ARHGEF3: variants seen among roughly 807,000 people sequenced by gnomAD.
The protein encoded by ARHGEF3 is 59.8 kDA protein.
Under a neutral mutation model 63.2 loss-of-function variants are expected in ARHGEF3, and 28 were observed. The ratio of observed to expected loss-of-function variants is 0.44; its 90% CI spans 0.33 to 0.61. The LOEUF is 0.61. Among genes scored for constraint, ARHGEF3 ranks in the 20% least tolerant of loss-of-function variants. The pLI is 0.03. For missense variants in ARHGEF3, 533 were observed against 659.3 expected (o/e 0.81, Z 2.10); for synonymous variants, 266 against 254.2 (o/e 1.05, Z -0.44).
At chr3:57,072,535 G>A (rs1454019343) in intron 1 of ARHGEF3, among the ~76,000 whole-genome samples, 6 of 151,760 alleles carry the variant, frequency 4.0e-5, no homozygotes, top group African/African-American at 1.5e-4. Flanking sequence ...GAGCTCAGGG[G>A]TTCAAGACCA....
intron 1 of ARHGEF3, among the ~76,000 whole-genome samples, chr3:57,067,907 G>A (rs9682642): frequency 0.05 from 7,524 of 151,764 alleles, 617 homozygotes; most frequent in African/African-American, 0.17. Context: ...GGAGAATGGC[G>A]TGAACCTGGG....
chr3:56,833,756 A>G (rs2039007210), intron 4 of ARHGEF3, among the ~76,000 whole-genome samples: 1 of 152,344 alleles, frequency 6.6e-6, no homozygotes, highest in South Asian at 2.1e-4. Flanking sequence ...CAATCTCACC[A>G]CATGTTCACT....
chr3:56,944,068 C>T (rs377273558), intron 3 of ARHGEF3, among the ~76,000 whole-genome samples: 23 of 152,006 alleles, frequency 1.5e-4, no homozygotes, highest in East Asian at 3.8e-4. Flanking sequence ...CCCAGCTACT[C>T]GGGCGGCTGA....
intron 3 of ARHGEF3, among the ~76,000 whole-genome samples, chr3:56,944,013 T>C (rs1037280089): frequency 5.9e-5 from 9 of 151,432 alleles, no homozygotes; most frequent in Admixed American, 3.9e-4. Context: ...CCATCTCTAC[T>C]AAAAATACTA....
At chr3:56,783,067 G>C (rs2036634339) in intron 1 of ARHGEF3, among the ~76,000 whole-genome samples, 1 of 152,122 alleles carries the variant, frequency 6.6e-6, no homozygotes, top group Non-Finnish European at 1.5e-5. Context: ...CTTGAATAAG[G>C]GAGAGGTATA....
chr3:56,994,990 T>G (rs1313971395), intron 2 of ARHGEF3, among the ~76,000 whole-genome samples: 1 of 152,140 alleles, frequency 6.6e-6, no homozygotes, highest in Non-Finnish European at 1.5e-5. Context: ...CCATGTAAGA[T>G]GTGCCATGCC....
chr3:57,062,321 C>T (rs1043277508), intron 1 of ARHGEF3, among the ~76,000 whole-genome samples: 63 of 152,278 alleles, frequency 4.1e-4, no homozygotes, highest in African/African-American at 1.4e-3. Flanking sequence ...CCTGAGGAAG[C>T]CCACAGCCTG....
intron 1 of ARHGEF3, among the ~76,000 whole-genome samples, chr3:57,046,259 A>C (rs887276420): frequency 6.6e-6 from 1 of 152,202 alleles, no homozygotes; most frequent in African/African-American, 2.4e-5. Context: ...AATAAACTAC[A>C]GCTTTAAGCA....
chr3:56,773,599 G>T, intron 2 of ARHGEF3, 110 bp downstream of exon 2: 1 of 901,048 alleles, frequency 1.1e-6, no homozygotes, highest in Non-Finnish European at 1.6e-6. Flanking sequence ...ATTGAAATAA[G>T]CATTGATTCA....
chr3:57,007,335 C>T (rs1000532818), intron 2 of ARHGEF3: 4 of 1,289,660 alleles, frequency 3.1e-6, no homozygotes, highest in Non-Finnish European at 2.0e-6. Context: ...CCTCCAACAG[C>T]CCTGAAGGAA....
At chr3:56,831,241 C>A (rs1351765304) in intron 4 of ARHGEF3, among the ~76,000 whole-genome samples, 1 of 152,204 alleles carries the variant, frequency 6.6e-6, no homozygotes, top group Non-Finnish European at 1.5e-5. Context: ...GAGTAAATGG[C>A]ATTTAACTCC....
chr3:56,951,656 C>G (rs556180741), intron 3 of ARHGEF3, among the ~76,000 whole-genome samples: 3 of 151,912 alleles, frequency 2.0e-5, no homozygotes, highest in African/African-American at 7.3e-5. Context: ...CAATTTGACT[C>G]GGATTACTGG....
intron 2 of ARHGEF3, among the ~76,000 whole-genome samples, chr3:56,971,747 G>A (rs927822580): frequency 1.3e-5 from 2 of 151,954 alleles, no homozygotes; most frequent in Non-Finnish European, 2.9e-5. Flanking sequence ...CCAGCTACTC[G>A]GGAGGCTGAG....
At chr3:56,822,329 T>C (rs2038538377) in intron 4 of ARHGEF3, among the ~76,000 whole-genome samples, 1 of 152,148 alleles carries the variant, frequency 6.6e-6, no homozygotes, top group Non-Finnish European at 1.5e-5. Context: ...CACTTTCCAG[T>C]CCTGCACTAA....
intron 4 of ARHGEF3, among the ~76,000 whole-genome samples, chr3:56,825,678 C>T (rs2038688811): frequency 6.6e-6 from 1 of 152,122 alleles, no homozygotes. Flanking sequence ...TAACAGAGTC[C>T]ATCTACTCTA....
At chr3:56,791,009 C>T (rs1269437886) in intron 1 of ARHGEF3, among the ~76,000 whole-genome samples, 3 of 152,010 alleles carry the variant, frequency 2.0e-5, no homozygotes, top group Non-Finnish European at 4.4e-5. Context: ...CTAATGGTAT[C>T]TACAGAAAGA....
intron 4 of ARHGEF3, among the ~76,000 whole-genome samples, chr3:56,849,516 G>A (rs962372570): frequency 4.6e-5 from 7 of 152,084 alleles, no homozygotes; most frequent in African/African-American, 1.4e-4. Flanking sequence ...GTTGTGGAAA[G>A]GATTAAAGGA....
chr3:56,879,912 C>G (rs1449554908), intron 4 of ARHGEF3, among the ~76,000 whole-genome samples: 1 of 152,168 alleles, frequency 6.6e-6, no homozygotes, highest in Non-Finnish European at 1.5e-5. Flanking sequence ...CCATTTAGTT[C>G]CATTCAACTC....
intron 2 of ARHGEF3, among the ~76,000 whole-genome samples, chr3:56,962,522 C>A (rs1700324534): frequency 6.6e-6 from 1 of 152,206 alleles, no homozygotes; most frequent in Non-Finnish European, 1.5e-5. Flanking sequence ...GTCTAGGCAG[C>A]ATTTCCCAGT....
Sources: gnomAD v4.1 joint callset for allele counts (sites outside exome capture counted in the v4.1 genomes callset) on GRCh38, gnomAD v4.1.1 for gene constraint, MANE v1.5 for transcripts, NCBI Gene and HGNC (gene_info 2026-07-23, HGNC 2026-07-21) for gene names.